KNDC1: variants seen among roughly 807,000 people sequenced by gnomAD.
KNDC1 encodes kinase non-catalytic C-lobe domain-containing protein 1.
A neutral mutation model predicts 172.8 loss-of-function variants in KNDC1; 106 were observed. That is an observed-to-expected ratio of 0.61 (90% confidence interval 0.52 to 0.72). The LOEUF (loss-of-function observed/expected upper bound fraction) is 0.72. Among genes scored for constraint, KNDC1 ranks in the 30% least tolerant of loss-of-function variants. KNDC1 has a pLI of 0.00. For synonymous variants in KNDC1, 1,083 were observed against 1,062.2 expected, an observed-to-expected ratio of 1.02 and a Z score of -0.38; for missense variants, 2,325 against 2,394.5, an observed-to-expected ratio of 0.97 and a Z score of 0.61.
At chr10:133,193,574 C>G (rs563107912) in intron 9 of KNDC1, among the ~76,000 whole-genome samples, 7 of 150,650 alleles carry the variant, frequency 4.6e-5, no homozygotes, top group African/African-American at 9.8e-5. Context: ...GGAAGAAGAA[C>G]AAGAAGAAGG....
At chr10:133,191,084 A>T (rs1326397976) in intron 9 of KNDC1, among the ~76,000 whole-genome samples, 1 of 152,254 alleles carries the variant, frequency 6.6e-6, no homozygotes, top group Non-Finnish European at 1.5e-5. Context: ...CACGCCTGTA[A>T]TTCCAGCAAT....
rs372641635 is a variant in KNDC1, at chr10:133,200,474, G to A, written c.2989+14G>A. ...TGCACCGCCTGGGTAAGTGCTGGGC[G>A]GGCCCCGCGGCAGGAGCTCTGCTGG... is the stretch of plus-strand genomic sequence containing the variant. On this transcript the variant is annotated intron_variant, in intron 16 of 29. Transcript: ENST00000304613. 26 of 1,514,998 alleles carry A rather than the reference G, an allele frequency of 1.7e-5. No individual in the cohort carries two copies. Among genetic ancestry groups the A allele is most frequent in the Admixed American group, 8.6e-5 (4 of 46,762 alleles). The allele number at this position is 1,514,998 out of a possible 1,614,324, so 93.8% of individuals were successfully genotyped here.
intron 5 of KNDC1, among the ~76,000 whole-genome samples, chr10:133,184,527 TCACA>T (rs796067057): frequency 1.3e-5 from 2 of 152,222 alleles, no homozygotes; most frequent in East Asian, 1.9e-4. Context: ...TTGCTCACAG[TCACA>T]CACATGAAAA....
chr10:133,212,174 TCA>T (rs1191085196), intron 23 of KNDC1, among the ~76,000 whole-genome samples: 2 of 150,968 alleles, frequency 1.3e-5, no homozygotes, highest in Non-Finnish European at 3.0e-5. Context: ...GTGTGCACCC[TCA>T]CACATATCCA....
intron 1 of KNDC1, among the ~76,000 whole-genome samples, chr10:133,165,468 C>T (rs1853120079): frequency 6.6e-6 from 1 of 152,224 alleles, no homozygotes; most frequent in Non-Finnish European, 1.5e-5. Flanking sequence ...AGAGGCACCC[C>T]AGGGCCCCGC....
intron 3 of KNDC1, among the ~76,000 whole-genome samples, chr10:133,169,625 A>G (rs1853307564): frequency 6.6e-6 from 1 of 152,226 alleles, no homozygotes; most frequent in Non-Finnish European, 1.5e-5. Context: ...TCCAGAACCC[A>G]ACTCCCTGCA....
At chr10:133,169,007 G>A (rs1017361037) in intron 3 of KNDC1, among the ~76,000 whole-genome samples, 9 of 152,252 alleles carry the variant, frequency 5.9e-5, no homozygotes, top group African/African-American at 2.2e-4. Context: ...GCTGGGCTCT[G>A]TCCCCGGGCA....
chr10:133,180,503 C>T (rs1029157224), intron 3 of KNDC1, among the ~76,000 whole-genome samples: 6 of 152,272 alleles, frequency 3.9e-5, no homozygotes, highest in Admixed American at 3.3e-4. Context: ...GAGAGTGAGG[C>T]TTCAAACAGA....
rs369269764 is a variant in KNDC1, at chr10:133,209,477, CGT to C, written c.3795-1128_3795-1127del. On this transcript the variant is annotated intron_variant, in intron 20 of 29. Coordinates refer to ENST00000304613, the MANE Select transcript of KNDC1 (RefSeq NM_152643.8). The surrounding 1 kb of genome is among the most constrained non-coding windows in gnomAD (Gnocchi z 4.9). ...TGGGGTATAGTGTGGCTTGTGTGCG[CGT>C]GTGTGGTGTGCGCGTCTGGTTGTGG... Among the ~76,000 whole-genome samples the C allele has an allele frequency of 3.3e-3, 493 of 149,090 alleles. No homozygotes were observed. Among genetic ancestry groups the C allele is most frequent in the Admixed American group, 5.1e-3 (77 of 15,022 alleles).
chr10:133,184,603 T>A (rs1853838753), intron 5 of KNDC1, among the ~76,000 whole-genome samples: 1 of 152,114 alleles, frequency 6.6e-6, no homozygotes, highest in South Asian at 2.1e-4. Flanking sequence ...ACACACCCGC[T>A]CTCATGCCTA....
intron 17 of KNDC1, among the ~76,000 whole-genome samples, chr10:133,204,469 C>CT (rs1854467989): frequency 2.0e-5 from 3 of 152,104 alleles, no homozygotes; most frequent in African/African-American, 7.2e-5. Context: ...GCTTAGTGGC[C>CT]GAGGTTCTGC....
chr10:133,201,614 C>T lies in KNDC1; in HGVS notation c.3103C>T (p.Arg1035Trp), dbSNP rs1007715843. The change falls in exon 17 of 30, where the codon CGG becomes TGG. Residue 1035 changes from arginine (R) to tryptophan (W), a missense_variant. Coordinates refer to ENST00000304613, the MANE Select transcript of KNDC1 (RefSeq NM_152643.8). Reference sequence around the variant, plus strand: ...ACGGGGAAACTTCGAGGTGGGGTTTCGGCCTCAGAGGTCCGTAAAAGCCGA... The same window carrying T: ...ACGGGGAAACTTCGAGGTGGGGTTTTGGCCTCAGAGGTCCGTAAAAGCCGA... ...LSRGNFEVGF[R>W]PQRSVKAERA... The T allele has an allele frequency of 7.4e-6, 12 of 1,613,094 alleles. No homozygotes were observed. The highest frequency in any genetic ancestry group is 1.7e-4 in the Middle Eastern group (1 of 6,006).
chr10:133,214,504 C>G (rs1014490165), intron 26 of KNDC1, among the ~76,000 whole-genome samples: 2 of 152,204 alleles, frequency 1.3e-5, no homozygotes, highest in African/African-American at 4.8e-5. Flanking sequence ...CTACCACCCC[C>G]ACCTGTGCTC....
intron 6 of KNDC1, among the ~76,000 whole-genome samples, chr10:133,187,001 C>T (rs1853939784): frequency 6.6e-6 from 1 of 152,188 alleles, no homozygotes; most frequent in African/African-American, 2.4e-5. Flanking sequence ...GGAAGCAAGG[C>T]CAGCAGCCCC....
intron 17 of KNDC1, among the ~76,000 whole-genome samples, chr10:133,204,382 C>T (rs1320728815): frequency 1.3e-5 from 2 of 152,250 alleles, no homozygotes; most frequent in African/African-American, 4.8e-5. Flanking sequence ...GCAGCCACGG[C>T]AGCCTGCAGC....
chr10:133,199,113 C>T lies in KNDC1; in HGVS notation c.2605C>T (p.Pro869Ser). Residue 869 changes from proline (P) to serine (S), a missense_variant, in exon 14 of 30, where the codon CCC becomes TCC. Transcript: ENST00000304613. ...SPDSVPERPR[P>S]ADRRLCLPCV... ...AGACAGTGTCCCAGAGAGGCCGCGG[C>T]CCGCAGACCGGAGGCTCTGTCTGCC... The T allele has an allele frequency of 2.5e-6, 4 of 1,608,442 alleles. No homozygotes were observed. The highest frequency in any genetic ancestry group is 3.4e-6 in the Non-Finnish European group (4 of 1,178,166).
intron 15 of KNDC1, among the ~76,000 whole-genome samples, chr10:133,200,020 C>T (rs900763548): frequency 6.6e-6 from 1 of 152,080 alleles, no homozygotes; most frequent in Non-Finnish European, 1.5e-5. Flanking sequence ...GGTGGGGCGG[C>T]GGCCACCCCA....
chr10:133,195,761 C>T lies in KNDC1; in HGVS notation c.1674C>T (p.Leu558=), dbSNP rs943990326. 4.4e-6 allele frequency: 7 copies of T among 1,608,724 alleles called. No individual in the cohort carries two copies. The highest frequency in any genetic ancestry group is 3.4e-5 in the Admixed American group (2 of 59,558). ...CCCTGCCACGCAGGCTCAAGACCCT[C>T]CTCCTGGACATGGCCAGGCGCAGTG... The part of the protein sequence containing the change: ...KLALPRRLKT[L]LLDMARRSAP... The change falls in exon 10 of 30, where the codon CTC becomes CTT. Residue 558 remains leucine (L), a synonymous_variant. Transcript: ENST00000304613.
At chr10:133,200,580 G>A in intron 16 of KNDC1, 120 bp downstream of exon 16, 1 of 726,998 alleles carries the variant, frequency 1.4e-6, no homozygotes, top group Non-Finnish European at 1.9e-6. Flanking sequence ...CAGCGGGGCT[G>A]CCTTTGCCCC....
Sources: gnomAD v4.1 joint callset for allele counts (sites outside exome capture counted in the v4.1 genomes callset) on GRCh38, gnomAD v4.1.1 for gene constraint, Gnocchi (gnomAD v3.1) non-coding constraint, MANE v1.5 for transcripts, NCBI Gene and HGNC (gene_info 2026-07-23, HGNC 2026-07-21) for gene names.